Variants in CREG1 observed in about 807,000 individuals in gnomAD.
CREG1 encodes cellular repressor of E1A stimulated genes 1, also known as protein CREG1.
CREG1 carries 20 observed loss-of-function variants against 19.9 expected under a neutral mutation model. The observed-to-expected ratio is 1.01, with a 90% confidence interval of 0.71 to 1.46. CREG1 has a LOEUF of 1.46. Among genes scored for constraint, CREG1 ranks in the 40% most tolerant of loss-of-function variants. The probability of loss-of-function intolerance (pLI) is 0.00; values close to 1 mark genes in which losing one functional copy is unlikely to be tolerated. For missense variants in CREG1, 290 were observed against 314.9 expected, an observed-to-expected ratio of 0.92 and a Z score of 0.60; for synonymous variants, 141 against 143.3, an observed-to-expected ratio of 0.98 and a Z score of 0.12.
chr1:167,551,323 G>A (rs1449922123), intron 1 of CREG1, among the ~76,000 whole-genome samples: 1 of 152,172 alleles, frequency 6.6e-6, no homozygotes, highest in East Asian at 1.9e-4. Context: ...AGGTCAGGAG[G>A]AGGAAAAGAA....
At chr1:167,545,238 T>C (rs1656297026) in intron 3 of CREG1, among the ~76,000 whole-genome samples, 1 of 152,136 alleles carries the variant, frequency 6.6e-6, no homozygotes, top group South Asian at 2.1e-4. Flanking sequence ...ATAACTGGGC[T>C]CTGTTCAGGG....
chr1:167,545,741 G>A (rs1656306122), intron 3 of CREG1, among the ~76,000 whole-genome samples: 1 of 152,044 alleles, frequency 6.6e-6, no homozygotes. Flanking sequence ...AGTAGGTGGA[G>A]GCTGCAATGA....
At chr1:167,546,009 G>T in intron 3 of CREG1, 92 bp downstream of exon 3, 3 of 1,063,098 alleles carry the variant, frequency 2.8e-6, no homozygotes, top group Non-Finnish European at 4.0e-6. Flanking sequence ...GGGTGTCCAG[G>T]GCACATGAAA....
At chr1:167,545,014 C>T (rs906537638) in intron 3 of CREG1, among the ~76,000 whole-genome samples, 1 of 152,190 alleles carries the variant, frequency 6.6e-6, no homozygotes, top group African/African-American at 2.4e-5. Flanking sequence ...CCCTTTCTGT[C>T]TTCAGGTCCT....
chr1:167,553,711 C>G lies in CREG1; in HGVS notation c.31G>C (p.Ala11Pro). The part of the protein sequence containing the change: MAGLSRGSAR[A>P]LLAALLASTL... ...GACGCCAGCAGGGCGGCGAGCAGTG[C>G]GCGCGCGGACCCGCGGGATAGCCCG... is the stretch of plus-strand genomic sequence containing the variant. The change falls in exon 1 of 4, where the codon GCA becomes CCA. Residue 11 changes from alanine to proline, a missense_variant. Ala to Pro is a conservative substitution (Grantham distance 27, BLOSUM62 -1). Transcript: ENST00000370509. 1 of 1,295,484 alleles carries G rather than the reference C, an allele frequency of 7.7e-7. No individual in the cohort carries two copies. Among genetic ancestry groups the G allele is most frequent in the Non-Finnish European group, 9.7e-7 (1 of 1,026,754 alleles). 80.2% of individuals were successfully genotyped at this position (1,295,484 alleles called of 1,614,324 possible).
chr1:167,541,358 A>G lies in CREG1; in HGVS notation c.*940T>C, dbSNP rs1656219420. On this transcript the variant is annotated 3_prime_UTR_variant, in exon 4 of 4. Transcript: ENST00000370509. ...GATTGTAGCAGCACTAGAAGCTATTAAGAGATTTGGGGCAGTTGAGGAAGC... is the reference window on the plus strand; with the variant it reads ...GATTGTAGCAGCACTAGAAGCTATTGAGAGATTTGGGGCAGTTGAGGAAGC... 1 of 152,202 alleles carries G rather than the reference A, an allele frequency of 6.6e-6. No homozygotes were observed. The highest frequency in any genetic ancestry group is 2.4e-5 in the African/African-American group (1 of 41,448). The allele number at this position is 152,202 out of a possible 1,614,324, so 9.4% of individuals were successfully genotyped here.
At chr1:167,543,117 G>A (rs1373044916) in intron 3 of CREG1, among the ~76,000 whole-genome samples, 1 of 152,058 alleles carries the variant, frequency 6.6e-6, no homozygotes, top group Non-Finnish European at 1.5e-5. Context: ...CGTGGTGGCA[G>A]GTGCCTGTGG....
rs899886335 is a variant in CREG1 at position 167,553,613 on chromosome 1, G to A, written c.129C>T (p.Ala43=). The stretch of plus-strand genomic sequence containing the variant: ...GGGGTGGTAGCGGCGGCAGCCGGGA[G>A]GCCTCGTCCCAGTCCCCGTGGTCCC... ...GGRDHGDWDE[A]SRLPPLPPRE... Residue 43 remains alanine (A), a synonymous_variant, in exon 1 of 4, where the codon GCC becomes GCT. Transcript: ENST00000370509. The A allele has an allele frequency of 2.3e-5, 32 of 1,407,334 alleles. No homozygotes were observed. The highest frequency in any genetic ancestry group is 2.8e-5 in the Non-Finnish European group (30 of 1,085,298). The allele number at this position is 1,407,334 out of a possible 1,614,324, so 87.2% of individuals were successfully genotyped here. A position where few individuals can be genotyped will look rare whatever the true frequency, so the allele number is the denominator to read the frequency against.
intron 1 of CREG1, among the ~76,000 whole-genome samples, chr1:167,549,426 C>A (rs1459434862): frequency 6.6e-6 from 1 of 151,868 alleles, no homozygotes; most frequent in African/African-American, 2.4e-5. Flanking sequence ...GCTCTGTCAC[C>A]CAGGCTGGAG....
intron 1 of CREG1, 144 bp from the exon 2 acceptor site, chr1:167,548,265 G>T: frequency 1.7e-6 from 1 of 585,070 alleles, no homozygotes; most frequent in Non-Finnish European, 2.9e-6. Flanking sequence ...CTTCCACTCA[G>T]GGGAAAATAA....
In CREG1 at chr1:167,542,309, G is replaced by A. The variant is rs746432825; in HGVS notation, c.660-8C>T. The A allele has an allele frequency of 6.2e-7, 1 of 1,601,844 alleles. No homozygotes were observed. The stretch of plus-strand genomic sequence containing the variant: ...CACCACAGTCTGCTTCACCTAGAAA[G>A]GGGAACAGAGAAGAATTATTTTGTT... On this transcript the variant is annotated splice_polypyrimidine_tract_variant and splice_region_variant and intron_variant, in intron 3 of 3. Transcript: ENST00000370509.
chr1:167,552,410 A>C (rs1656436018), intron 1 of CREG1, among the ~76,000 whole-genome samples: 1 of 152,026 alleles, frequency 6.6e-6, no homozygotes, highest in African/African-American at 2.4e-5. Context: ...CCATTCCTGG[A>C]CTCTGTGTGT....
rs987942765 is a variant in CREG1, at chr1:167,553,713, C to G, written c.29G>C (p.Arg10Pro). ...CGCCAGCAGGGCGGCGAGCAGTGCG[C>G]GCGCGGACCCGCGGGATAGCCCGGC... is the stretch of plus-strand genomic sequence containing the variant. MAGLSRGSA[R>P]ALLAALLAST... Residue 10 changes from arginine to proline, a missense_variant, in exon 1 of 4, where the codon CGC (arginine) becomes CCC (proline). Transcript: ENST00000370509. The G allele has an allele frequency of 8.6e-5, 112 of 1,295,250 alleles. No individual in the cohort carries two copies. Among genetic ancestry groups the G allele is most frequent in the Non-Finnish European group, 1.1e-4 (112 of 1,026,784 alleles). The allele number at this position is 1,295,250 out of a possible 1,614,324, so 80.2% of individuals were successfully genotyped here.
chr1:167,553,744 C>A lies in CREG1; in HGVS notation c.-3G>T. The stretch of plus-strand genomic sequence containing the variant: ...GACCCGCGGGATAGCCCGGCCATGG[C>A]GGTGTCTCCAGGAAGAGTCCCGGGC... On this transcript the variant is annotated 5_prime_UTR_variant, in exon 1 of 4. Coordinates refer to ENST00000370509, the MANE Select transcript of CREG1 (RefSeq NM_003851.3). 7.8e-7 allele frequency: 1 copy of A among 1,275,240 alleles called. No homozygotes were observed. Among genetic ancestry groups the A allele is most frequent in the Non-Finnish European group, 9.9e-7 (1 of 1,011,362 alleles). 79.0% of individuals were successfully genotyped at this position (1,275,240 alleles called of 1,614,324 possible).
At chr1:167,543,234 G>A (rs2102148382) in intron 3 of CREG1, among the ~76,000 whole-genome samples, 1 of 126,270 alleles carries the variant, frequency 7.9e-6, no homozygotes, top group African/African-American at 3.1e-5. Context: ...GCAACAGAGT[G>A]AGACTCCATC....
At chr1:167,553,052 G>GAAA (rs61415477) in intron 1 of CREG1, among the ~76,000 whole-genome samples, 17 of 142,208 alleles carry the variant, frequency 1.2e-4, no homozygotes, top group African/African-American at 3.4e-4. Context: ...GTCTCAAAGG[G>GAAA]AAAAAAAAAA....
rs189936116 is a variant in CREG1, at chr1:167,549,492, C to A, written c.355-1371G>T. On this transcript the variant is annotated intron_variant, in intron 1 of 3. Transcript: ENST00000370509. ...CTCCAACTCCCAAGTTCAAGCGATT[C>A]TCTTGCCTCAGCCTCCCGAGTAGCT... is the stretch of plus-strand genomic sequence containing the variant. Among the ~76,000 whole-genome samples, 7 of 151,806 alleles carry A rather than the reference C, an allele frequency of 4.6e-5. No individual in the cohort carries two copies. The East Asian group carries it at 1.4e-3, about 29-fold the overall frequency.
intron 1 of CREG1, among the ~76,000 whole-genome samples, chr1:167,551,117 T>C (rs984045922): frequency 1.3e-5 from 2 of 152,180 alleles, no homozygotes; most frequent in East Asian, 1.9e-4. Flanking sequence ...AGACATTTAC[T>C]ATACAAAAAT....
chr1:167,543,774 T>G (rs1473690), intron 3 of CREG1, among the ~76,000 whole-genome samples: 10,317 of 152,094 alleles, frequency 0.068, 445 homozygotes, highest in Middle Eastern at 0.13. Context: ...CTCAGAAGAG[T>G]CACATCTGCT....
Sources: gnomAD v4.1 joint callset for allele counts (sites outside exome capture counted in the v4.1 genomes callset) on GRCh38, gnomAD v4.1.1 for gene constraint, MANE v1.5 for transcripts, NCBI Gene and HGNC (gene_info 2026-07-23, HGNC 2026-07-21) for gene names.